The following TM7SF3 variants were observed in gnomAD, a reference collection of about 807,000 sequenced individuals.
TM7SF3 encodes the protein transmembrane 7 superfamily member 3, also known as seven span transmembrane protein.
A neutral mutation model predicts 65.5 loss-of-function variants in TM7SF3; 60 were observed. That is an observed-to-expected ratio of 0.92 (90% CI 0.74 to 1.14). The LOEUF is 1.14. Among genes scored for constraint, TM7SF3 ranks in the 50% most tolerant of loss-of-function variants. The pLI is 0.00. For synonymous variants in TM7SF3, 264 were observed against 259.6 expected, an observed-to-expected ratio of 1.02 and a Z score of -0.16; for missense variants, 623 against 684.8, an observed-to-expected ratio of 0.91 and a Z score of 1.01.
intron 2 of TM7SF3, among the ~76,000 whole-genome samples, chr12:27,000,522 C>T (rs12308518): frequency 0.018 from 2,758 of 152,138 alleles, 87 homozygotes; most frequent in African/African-American, 0.063. Flanking sequence ...TGCAGTGGCG[C>T]GATCTCAGCT....
chr12:26,999,714 C>T (rs754869314), intron 2 of TM7SF3, 38 bp from the exon 3 acceptor site: 14 of 1,608,862 alleles, frequency 8.7e-6, no homozygotes, highest in Middle Eastern at 1.7e-4. Context: ...AATAGGAAGT[C>T]GACCAAAACA....
At chr12:27,013,013 A>C in intron 1 of TM7SF3, 1 of 234,084 alleles carries the variant, frequency 4.3e-6, no homozygotes, top group South Asian at 4.6e-5. Context: ...AAAAAAAAAA[A>C]AGTCACCTGA....
intron 3 of TM7SF3, among the ~76,000 whole-genome samples, chr12:26,998,302 A>T (rs1165772665): frequency 6.6e-6 from 1 of 152,210 alleles, no homozygotes; most frequent in Non-Finnish European, 1.5e-5. Flanking sequence ...ATCCAAGTAC[A>T]TGCCTGGATA....
rs1941362433 is a variant in TM7SF3, at chr12:27,014,314, A to C, written c.-146T>G. 2.0e-6 allele frequency: 1 copy of C among 496,738 alleles called. No individual in the cohort carries two copies. Among genetic ancestry groups the C allele is most frequent in the African/African-American group, 2.0e-5 (1 of 49,138 alleles). The allele number at this position is 496,738 out of a possible 1,614,324, so 30.8% of individuals were successfully genotyped here. Reference sequence around the variant, plus strand: ...CAGGTGCAGACGCTTCGCACCTGCCAGCTCCGCAGCCGCCGGCGCGCGCCC... The same window carrying C: ...CAGGTGCAGACGCTTCGCACCTGCCCGCTCCGCAGCCGCCGGCGCGCGCCC... On this transcript the variant is annotated 5_prime_UTR_variant, in exon 1 of 12. Coordinates refer to ENST00000343028, the MANE Select transcript of TM7SF3 (RefSeq NM_016551.3).
Position 26,974,153 on chromosome 12 carries a change from GTCCT to G in TM7SF3, c.1521_1524del (p.Arg507SerfsTer21). 1 of 1,614,130 alleles carries G rather than the reference GTCCT, an allele frequency of 6.2e-7. No individual in the cohort carries two copies. Among genetic ancestry groups the G allele is most frequent in the Non-Finnish European group, 8.5e-7 (1 of 1,180,014 alleles). On this transcript the variant is annotated frameshift_variant, in exon 12 of 12. Coordinates refer to ENST00000343028, the MANE Select transcript of TM7SF3 (RefSeq NM_016551.3). LOFTEE classifies it high-confidence loss of function. The stretch of plus-strand genomic sequence containing the variant: ...TATGGGTGGGGAGGGAAGAACGGTC[GTCCT>G]CTCTCTCTTCGAATCTGTAACGTAA...
chr12:27,002,250 G>A (rs946829966), intron 2 of TM7SF3, among the ~76,000 whole-genome samples: 2 of 151,864 alleles, frequency 1.3e-5, no homozygotes, highest in Non-Finnish European at 2.9e-5. Context: ...ATCACTTGAG[G>A]CCAGGAGTTC....
At chr12:26,975,804 C>T in intron 10 of TM7SF3, 146 bp from the exon 11 acceptor site, 1 of 789,918 alleles carries the variant, frequency 1.3e-6, no homozygotes, top group Non-Finnish European at 2.0e-6. Flanking sequence ...AACAGAAGTT[C>T]CCTGGAAAGA....
At chr12:26,981,856 A>G (rs17408108) in intron 7 of TM7SF3, among the ~76,000 whole-genome samples, 71,253 of 151,916 alleles carry the variant, frequency 0.47, 17,718 homozygotes, top group Admixed American at 0.57. Context: ...TTTACATCCC[A>G]GTTCTTCAGT....
Position 27,003,246 on chromosome 12 carries a change from G to T in TM7SF3, c.236C>A (p.Ser79Tyr). ...IHSQYQNTTV[S>Y]FSPTLLSNSS... ...ATTCTTTGCACTTACCGGAGAAAAG[G>T]AAACAGTTGTATTCTGATACTGTGA... Residue 79 changes from serine (S) to tyrosine (Y), a missense_variant, in exon 2 of 12, where the codon TCC (serine) becomes TAC (tyrosine). Physicochemically the swap from Ser to Tyr is moderately radical, Grantham distance 144. Transcript: ENST00000343028. 1 of 1,603,534 alleles carries T rather than the reference G, an allele frequency of 6.2e-7. No homozygotes were observed. Among genetic ancestry groups the T allele is most frequent in the Non-Finnish European group, 8.5e-7 (1 of 1,175,842 alleles).
chr12:27,006,140 CTT>C (rs71437315), intron 1 of TM7SF3, among the ~76,000 whole-genome samples: 13 of 122,064 alleles, frequency 1.1e-4, no homozygotes, highest in Admixed American at 1.7e-4. Flanking sequence ...TTTTCTTTTT[CTT>C]TTTTTTTTTT....
chr12:27,006,140 CTTTT>C (rs71437315), intron 1 of TM7SF3, among the ~76,000 whole-genome samples: 3 of 122,092 alleles, frequency 2.5e-5, no homozygotes, highest in Non-Finnish European at 3.4e-5. Context: ...TTTTCTTTTT[CTTTT>C]TTTTTTTTTT....
intron 5 of TM7SF3, 38 bp downstream of exon 5, chr12:26,995,199 C>A: frequency 6.3e-7 from 1 of 1,590,872 alleles, no homozygotes; most frequent in South Asian, 1.1e-5. Flanking sequence ...ACAAAGGTGT[C>A]ACAATCCAGC....
At chr12:26,990,408 G>A (rs1940298047) in intron 6 of TM7SF3, 42 bp downstream of exon 6, 2 of 1,478,650 alleles carry the variant, frequency 1.4e-6, no homozygotes, top group Non-Finnish European at 1.9e-6. Context: ...TTATCTGCAA[G>A]GCCAAAGGAG....
chr12:26,996,900 C>A, intron 3 of TM7SF3, 38 bp from the exon 4 acceptor site: 1 of 1,572,292 alleles, frequency 6.4e-7, no homozygotes, highest in Non-Finnish European at 8.6e-7. Flanking sequence ...ACAAACAATT[C>A]CTACATATCC....
chr12:27,010,567 G>A (rs775095091), intron 1 of TM7SF3, among the ~76,000 whole-genome samples: 1 of 152,212 alleles, frequency 6.6e-6, no homozygotes, highest in Non-Finnish European at 1.5e-5. Flanking sequence ...GAAGCTAACA[G>A]GAATTTAACT....
At chr12:26,974,552 G>A (rs533835772) in intron 11 of TM7SF3, among the ~76,000 whole-genome samples, 11 of 152,228 alleles carry the variant, frequency 7.2e-5, no homozygotes, top group South Asian at 2.1e-4. Context: ...GAGGGGGTTC[G>A]GGGAGGAAGG....
At position 26,975,390 on chromosome 12, in the gene TM7SF3, C is replaced by T. The variant is rs561947323; in HGVS notation, c.1450+106G>A. ...TGTATGCTGTGTTCCCTCCTTTTGT[C>T]CCAGTTGACTTTCTTTAAATTTAGT... On this transcript the variant is annotated intron_variant, in intron 11 of 11. Transcript: ENST00000343028. The T allele has an allele frequency of 1.2e-5, 14 of 1,147,138 alleles. 1 individual carries two copies. The South Asian group carries it at 1.5e-4, about 12-fold the overall frequency. The allele number at this position is 1,147,138 out of a possible 1,614,324, so 71.1% of individuals were successfully genotyped here.
chr12:26,986,049 C>T (rs1468294248), intron 6 of TM7SF3, among the ~76,000 whole-genome samples: 6 of 151,180 alleles, frequency 4.0e-5, no homozygotes, highest in African/African-American at 9.7e-5. Context: ...AGGATGGTCT[C>T]GATCTCCTGA....
chr12:27,014,120 G>T lies in TM7SF3; in HGVS notation c.49C>A (p.Arg17=). The change falls in exon 1 of 12, where the codon CGG becomes AGG. Residue 17 remains arginine, a synonymous_variant. Coordinates refer to ENST00000343028, the MANE Select transcript of TM7SF3 (RefSeq NM_016551.3). ...LVVAVLASEH[R]VAGAAEVFGN... ...AAGACCTCGGCTGCACCAGCCACCC[G>T]GTGTTCGGATGCCAGCACCGCTACG... 6.4e-7 allele frequency: 1 copy of T among 1,572,374 alleles called. No homozygotes were observed. The highest frequency in any genetic ancestry group is 8.6e-7 in the Non-Finnish European group (1 of 1,158,870).
Sources: allele counts gnomAD v4.1 joint callset (sites outside exome capture counted in the v4.1 genomes callset), GRCh38; gene constraint gnomAD v4.1.1; transcripts MANE v1.5; gene names NCBI Gene and HGNC (gene_info 2026-07-23, HGNC 2026-07-21).